Variants in MAP4K4 observed in about 807,000 individuals in gnomAD.
The protein encoded by MAP4K4 is HPK/GCK-like kinase HGK.
A neutral mutation model predicts 189.6 loss-of-function variants in MAP4K4; 38 were observed. The ratio of observed to expected loss-of-function variants is 0.20; its 90% CI spans 0.15 to 0.26. The LOEUF (loss-of-function observed/expected upper bound fraction) is 0.26, where lower values mean the gene tolerates loss of function less well. Ranked by LOEUF, MAP4K4 falls within the 10% of genes least tolerant of loss-of-function variation. The pLI is 1.00. For synonymous variants in MAP4K4, 610 were observed against 624.3 expected, an observed-to-expected ratio of 0.98 and a Z score of 0.34; for missense variants, 1,054 against 1,726.9, an observed-to-expected ratio of 0.61 and a Z score of 6.91.
chr2:101,698,261 C>G (rs2035624745), intron 1 of MAP4K4, 124 bp downstream of exon 1: 3 of 407,334 alleles, frequency 7.4e-6, no homozygotes, highest in Non-Finnish European at 1.1e-5. Context: ...GCGGCGGCCC[C>G]TTTGTCTTCC....
chr2:101,884,772 C>T (rs543106336), intron 28 of MAP4K4, among the ~76,000 whole-genome samples: 1 of 152,266 alleles, frequency 6.6e-6, no homozygotes, highest in East Asian at 1.9e-4. Context: ...CTTCCTCAGT[C>T]TGTGTGAGCC....
At chr2:101,734,524 T>TA (rs1341510121) in intron 2 of MAP4K4, among the ~76,000 whole-genome samples, 1 of 152,218 alleles carries the variant, frequency 6.6e-6, no homozygotes, top group Non-Finnish European at 1.5e-5. Flanking sequence ...AGCAGATACA[T>TA]ACCAGTTCAG....
intron 3 of MAP4K4, among the ~76,000 whole-genome samples, chr2:101,802,926 C>T (rs1323051061): frequency 6.6e-6 from 1 of 152,146 alleles, no homozygotes; most frequent in African/African-American, 2.4e-5. Context: ...GCTGGGATTA[C>T]AGGCGTCTGC....
At chr2:101,781,519 G>A (rs1359947272) in intron 2 of MAP4K4, among the ~76,000 whole-genome samples, 7 of 152,120 alleles carry the variant, frequency 4.6e-5, no homozygotes, top group Non-Finnish European at 7.3e-5. Context: ...GCATCATAAC[G>A]TGGAAGGCAT....
chr2:101,704,604 G>A (rs1449482033), intron 2 of MAP4K4, among the ~76,000 whole-genome samples: 24 of 101,090 alleles, frequency 2.4e-4, no homozygotes, highest in African/African-American at 1.1e-3. Context: ...ATGGTGTCTC[G>A]CTCTGTCGCC....
intron 2 of MAP4K4, among the ~76,000 whole-genome samples, chr2:101,743,931 T>G (rs958087997): frequency 2.0e-5 from 3 of 152,210 alleles, no homozygotes; most frequent in Non-Finnish European, 2.9e-5. Context: ...GTGCTGTGAT[T>G]ACAGGTGTGA....
At chr2:101,841,709 T>A (rs975233544) in intron 10 of MAP4K4, among the ~76,000 whole-genome samples, 8 of 152,126 alleles carry the variant, frequency 5.3e-5, no homozygotes, top group Admixed American at 5.2e-4. Context: ...TCTCGTGATC[T>A]GCCCGCCTCA....
exon 15 of MAP4K4, chr2:101,859,693 G>C: frequency 6.2e-7 from 1 of 1,612,310 alleles, no homozygotes; most frequent in African/African-American, 1.3e-5. Context: ...AGAGGCTCCA[G>C]AGGCAGTTGC....
intron 2 of MAP4K4, among the ~76,000 whole-genome samples, chr2:101,724,388 C>G (rs573520950): frequency 1.3e-5 from 2 of 152,266 alleles, no homozygotes; most frequent in Admixed American, 1.3e-4. Flanking sequence ...ATTTGGGCCT[C>G]AGGTTCCTTT....
chr2:101,889,772 C>CCCGTTCT (rs113584912), intron 32 of MAP4K4, among the ~76,000 whole-genome samples: 2 of 152,108 alleles, frequency 1.3e-5, no homozygotes, highest in African/African-American at 4.8e-5. Flanking sequence ...AGCAGTCAGC[C>CCCGTTCT]CAGTTCTCAG....
chr2:101,890,377 A>T (rs2098548645), intron 32 of MAP4K4, among the ~76,000 whole-genome samples: 1 of 152,188 alleles, frequency 6.6e-6, no homozygotes, highest in Admixed American at 6.5e-5. Flanking sequence ...CCTGAGTTGT[A>T]ATAAAAATTG....
chr2:101,849,413 G>A (rs375134192), intron 12 of MAP4K4, among the ~76,000 whole-genome samples: 11 of 152,162 alleles, frequency 7.2e-5, no homozygotes, highest in East Asian at 3.9e-4. Context: ...ACAGGCATGA[G>A]CCACTGTGCC....
chr2:101,740,883 T>C (rs1194425664), intron 2 of MAP4K4, among the ~76,000 whole-genome samples: 3 of 152,176 alleles, frequency 2.0e-5, no homozygotes, highest in East Asian at 1.9e-4. Context: ...TAGCTAACAA[T>C]AGTAACAGTG....
At chr2:101,886,763 C>T (rs1012004760) in intron 29 of MAP4K4, among the ~76,000 whole-genome samples, 18 of 152,118 alleles carry the variant, frequency 1.2e-4, no homozygotes, top group Middle Eastern at 3.2e-3. Flanking sequence ...GTTCTCCGGC[C>T]GGGCGTGGTG....
At chr2:101,889,380 A>G (rs1322767450) in intron 32 of MAP4K4, among the ~76,000 whole-genome samples, 1 of 152,152 alleles carries the variant, frequency 6.6e-6, no homozygotes, top group African/African-American at 2.4e-5. Flanking sequence ...CTAGGTTTGC[A>G]TGACAGAAAT....
chr2:101,823,088 C>A (rs1353655923), intron 3 of MAP4K4, among the ~76,000 whole-genome samples: 1 of 152,196 alleles, frequency 6.6e-6, no homozygotes, highest in Non-Finnish European at 1.5e-5. Context: ...CTGGTGTGCA[C>A]AGCGTCTTCT....
At chr2:101,729,983 C>G (rs367765968) in intron 2 of MAP4K4, among the ~76,000 whole-genome samples, 1 of 152,142 alleles carries the variant, frequency 6.6e-6, no homozygotes, top group Admixed American at 6.5e-5. Flanking sequence ...TGTCTCCTCC[C>G]GCAGCTCCGT....
At chr2:101,704,112 C>T (rs542511193) in intron 2 of MAP4K4, among the ~76,000 whole-genome samples, 1 of 152,220 alleles carries the variant, frequency 6.6e-6, no homozygotes, top group South Asian at 2.1e-4. Context: ...TAGCATCTCT[C>T]GTTCTTAATT....
At chr2:101,893,126 C>G (rs1379411184) in exon 33 of MAP4K4, 1 of 456,458 alleles carries the variant, frequency 2.2e-6, no homozygotes, top group Non-Finnish European at 4.4e-6. Context: ...ACTCTGACCT[C>G]TTGTCAGTTT....
Sources: gnomAD v4.1 joint callset for allele counts (sites outside exome capture counted in the v4.1 genomes callset) on GRCh38, gnomAD v4.1.1 for gene constraint, MANE v1.5 for transcripts, NCBI Gene and HGNC (gene_info 2026-07-23, HGNC 2026-07-21) for gene names.